Variants in GALNT2 observed in about 807,000 individuals in gnomAD.
GALNT2 encodes the protein polypeptide N-acetylgalactosaminyltransferase 2.
In GALNT2, 31 loss-of-function variants were observed where a neutral mutation model predicts 81.4. The ratio of observed to expected loss-of-function variants is 0.38; its 90% CI spans 0.29 to 0.51. The LOEUF is 0.51. Ranked by LOEUF, GALNT2 falls within the 20% of genes least tolerant of loss-of-function variation. GALNT2 has a pLI of 0.87. For synonymous variants in GALNT2, 303 were observed against 287.4 expected (o/e 1.05, Z -0.55); for missense variants, 629 against 765.7 (o/e 0.82, Z 2.11).
chr1:230,279,292 G>A lies in GALNT2; in HGVS notation c.1561-11G>A. ...TGCCCACACTCTAAGGCACTCTCCT[G>A]TGTCTTGCAGAAATGGGAACAGATC... On this transcript the variant is annotated splice_polypyrimidine_tract_variant and intron_variant, in intron 15 of 15. Coordinates refer to ENST00000366672, the MANE Select transcript of GALNT2 (RefSeq NM_004481.5). This position sits in a 1 kb window ranked among gnomAD's most constrained non-coding sequence, Gnocchi z 4.6. The A allele has an allele frequency of 6.2e-7, 1 of 1,612,948 alleles. No homozygotes were observed. Among genetic ancestry groups the A allele is most frequent in the Non-Finnish European group, 8.5e-7 (1 of 1,179,236 alleles).
chr1:230,191,555 A>G (rs1465275682), intron 2 of GALNT2, among the ~76,000 whole-genome samples: 1 of 152,240 alleles, frequency 6.6e-6, no homozygotes, highest in Non-Finnish European at 1.5e-5. Flanking sequence ...TCACCAACCC[A>G]GGTTGGAGTG....
At chr1:230,084,010 G>A (rs1241379148) in intron 1 of GALNT2, among the ~76,000 whole-genome samples, 2 of 152,212 alleles carry the variant, frequency 1.3e-5, no homozygotes, top group South Asian at 2.1e-4. Context: ...GCCTGTGAAG[G>A]TGAGGGTCTG....
intron 1 of GALNT2, among the ~76,000 whole-genome samples, chr1:230,153,810 G>T (rs926883776): frequency 3.3e-5 from 5 of 152,238 alleles, no homozygotes; most frequent in Admixed American, 3.3e-4. Context: ...GGCCTCGGGG[G>T]CCCCTGGTTG....
intron 2 of GALNT2, among the ~76,000 whole-genome samples, chr1:230,187,445 A>G (rs964580662): frequency 6.6e-6 from 1 of 152,026 alleles, no homozygotes; most frequent in East Asian, 1.9e-4. Context: ...GGCTGGGGTG[A>G]GTGCTTTTGG....
intron 3 of GALNT2, 112 bp downstream of exon 3, chr1:230,203,402 G>A: frequency 1.5e-6 from 2 of 1,291,020 alleles, no homozygotes; most frequent in Non-Finnish European, 2.2e-6. Context: ...AATTGAATGT[G>A]TGTTGTAAAA....
At chr1:230,239,768 T>C (rs1665143694) in intron 6 of GALNT2, among the ~76,000 whole-genome samples, 1 of 152,228 alleles carries the variant, frequency 6.6e-6, no homozygotes, top group Non-Finnish European at 1.5e-5. Context: ...TTGCCTTCTT[T>C]TGGATTCAGT....
chr1:230,204,147 CTTCTTT>C (rs71799972), intron 3 of GALNT2, among the ~76,000 whole-genome samples: 15,344 of 149,158 alleles, frequency 0.1, 1,548 homozygotes, highest in African/African-American at 0.26. Context: ...TCCTGACCTC[CTTCTTT>C]TTCTTTTTCT....
intron 1 of GALNT2, among the ~76,000 whole-genome samples, chr1:230,093,362 C>T (rs1364041898): frequency 6.6e-6 from 1 of 151,434 alleles, no homozygotes; most frequent in Non-Finnish European, 1.5e-5. Flanking sequence ...CACACGTGGC[C>T]GTTTATTTAA....
upstream of GALNT2, among the ~76,000 whole-genome samples, chr1:230,065,726 G>A (rs1558266401): frequency 6.6e-6 from 1 of 152,140 alleles, no homozygotes; most frequent in Non-Finnish European, 1.5e-5. Flanking sequence ...TGGTGTTTGG[G>A]GAGGGGACTG....
chr1:230,137,605 A>G (rs1661591954), intron 1 of GALNT2, among the ~76,000 whole-genome samples: 1 of 152,188 alleles, frequency 6.6e-6, no homozygotes, highest in Non-Finnish European at 1.5e-5. Context: ...TTTTACTTAC[A>G]TTCTCCTGAT....
intron 1 of GALNT2, among the ~76,000 whole-genome samples, chr1:230,077,063 G>A (rs557062766): frequency 3.5e-4 from 54 of 152,340 alleles, no homozygotes; most frequent in Middle Eastern, 3.4e-3. Flanking sequence ...AGATGCCCAT[G>A]AATTAAGTAC....
intron 1 of GALNT2, among the ~76,000 whole-genome samples, chr1:230,112,112 C>A (rs1220784867): frequency 6.6e-6 from 1 of 152,186 alleles, no homozygotes; most frequent in Admixed American, 6.5e-5. Context: ...CCAGCCCAGT[C>A]CATGGTGGCC....
intron 1 of GALNT2, among the ~76,000 whole-genome samples, chr1:230,155,631 G>A (rs895065076): frequency 1.4e-4 from 22 of 152,170 alleles, no homozygotes; most frequent in African/African-American, 4.8e-4. Flanking sequence ...GCAGAGCTAG[G>A]TTTTGTGAGG....
At chr1:230,124,160 A>G (rs556514065) in intron 1 of GALNT2, among the ~76,000 whole-genome samples, 4 of 152,292 alleles carry the variant, frequency 2.6e-5, no homozygotes, top group Non-Finnish European at 5.9e-5. Context: ...TGTCAAGAAT[A>G]TTACCCGGCC....
In GALNT2 at chr1:230,279,814, G is replaced by A. The variant is rs1285681861; in HGVS notation, c.*356G>A. 2 of 484,702 alleles carry A rather than the reference G, an allele frequency of 4.1e-6. No homozygotes were observed. Among genetic ancestry groups the A allele is most frequent in the East Asian group, 6.0e-5 (1 of 16,594 alleles). The allele number at this position is 484,702 out of a possible 1,614,324, so 30.0% of individuals were successfully genotyped here. A position where few individuals can be genotyped will look rare whatever the true frequency, so the allele number is the denominator to read the frequency against. On this transcript the variant is annotated 3_prime_UTR_variant, in exon 16 of 16. Coordinates refer to ENST00000366672, the MANE Select transcript of GALNT2 (RefSeq NM_004481.5). The surrounding 1 kb of genome is among the most constrained non-coding windows in gnomAD (Gnocchi z 4.6). ...ACTGAACGGATGCGTGCGAGCTGAG[G>A]ACAGGGCGGGAGGAGGGGGCACACA... is the stretch of plus-strand genomic sequence containing the variant.
At chr1:230,128,501 A>T (rs993712917) in intron 1 of GALNT2, among the ~76,000 whole-genome samples, 1 of 151,332 alleles carries the variant, frequency 6.6e-6, no homozygotes, top group African/African-American at 2.4e-5. Context: ...TGCACCAGGG[A>T]TGGAGCCACT....
chr1:230,234,462 G>C (rs1664963773), intron 3 of GALNT2, among the ~76,000 whole-genome samples: 1 of 152,182 alleles, frequency 6.6e-6, no homozygotes, highest in Admixed American at 6.5e-5. Flanking sequence ...TTAACTGCTA[G>C]AGTTGCAGGA....
intron 1 of GALNT2, among the ~76,000 whole-genome samples, chr1:230,074,993 G>A (rs1203475221): frequency 2.6e-5 from 4 of 152,092 alleles, no homozygotes; most frequent in Non-Finnish European, 5.9e-5. Context: ...TGCTCCCTGG[G>A]CCTCCCATGC....
intron 14 of GALNT2, 50 bp from the exon 15 acceptor site, chr1:230,274,395 T>C: frequency 1.3e-6 from 2 of 1,591,572 alleles, no homozygotes; most frequent in Non-Finnish European, 1.7e-6. Context: ...CTTCTTTCCT[T>C]TCACAGCCCG....
Sources: allele counts gnomAD v4.1 joint callset (sites outside exome capture counted in the v4.1 genomes callset), GRCh38; gene constraint gnomAD v4.1.1; non-coding constraint Gnocchi (gnomAD v3.1); transcripts MANE v1.5; gene names NCBI Gene and HGNC (gene_info 2026-07-23, HGNC 2026-07-21).